RBFOX1: variants seen among roughly 807,000 people sequenced by gnomAD.
RBFOX1 encodes RNA binding fox-1 homolog 1.
Under a neutral mutation model 57.7 loss-of-function variants are expected in RBFOX1, and 8 were observed. That is an observed-to-expected ratio of 0.14 (90% confidence interval 0.08 to 0.25). The LOEUF (loss-of-function observed/expected upper bound fraction) is 0.25. RBFOX1 is among the 10% of genes least tolerant of loss of function. The pLI, the probability that RBFOX1 is intolerant of heterozygous loss-of-function variation, is 1.00. For missense variants in RBFOX1, 611 were observed against 548.5 expected (o/e 1.11, Z -1.14); for synonymous variants, 326 against 222.4 (o/e 1.47, Z -4.15).
intron 2 of RBFOX1, among the ~76,000 whole-genome samples, chr16:6,567,018 T>C (rs932037172): frequency 1.3e-5 from 2 of 152,220 alleles, no homozygotes; most frequent in Non-Finnish European, 2.9e-5. Context: ...TGAAACATTA[T>C]ATTACACAGT....
At chr16:7,536,278 C>T (rs892379123) in intron 5 of RBFOX1, among the ~76,000 whole-genome samples, 2 of 152,184 alleles carry the variant, frequency 1.3e-5, no homozygotes, top group African/African-American at 4.8e-5. Context: ...TTCAAGACTT[C>T]CTTAAAGAAG....
chr16:7,009,874 G>A (rs1356255996), intron 3 of RBFOX1, among the ~76,000 whole-genome samples: 2 of 152,122 alleles, frequency 1.3e-5, no homozygotes, highest in Non-Finnish European at 2.9e-5. Flanking sequence ...ATATTCCTGG[G>A]CTATTTTGGT....
chr16:5,463,731 T>C lies in RBFOX1; in HGVS notation c.220-3485T>C, dbSNP rs528197423. ...AGGAGAATCGCTTGAACCCAGGAGA[T>C]GGAGGTTGCAGTAAGTCAAGATTGC... On this transcript the variant is annotated intron_variant, in intron 1 of 2. Coordinates refer to the RBFOX1 transcript ENST00000585867. Among the ~76,000 whole-genome samples, 12 of 148,722 alleles carry C rather than the reference T, an allele frequency of 8.1e-5. No individual in the cohort carries two copies. In the East Asian group the frequency reaches 1.6e-3, roughly 20 times the overall value.
intron 1 of RBFOX1, among the ~76,000 whole-genome samples, chr16:5,422,685 G>A (rs912643408): frequency 1.5e-5 from 2 of 134,390 alleles, no homozygotes; most frequent in African/African-American, 5.7e-5. Flanking sequence ...GAGGGAGCAG[G>A]AAGGAGAGGG....
At chr16:7,364,754 T>C (rs2097405355) in intron 4 of RBFOX1, among the ~76,000 whole-genome samples, 1 of 152,150 alleles carries the variant, frequency 6.6e-6, no homozygotes, top group African/African-American at 2.4e-5. Flanking sequence ...TACTTGCTAG[T>C]TGTGTTCTCT....
chr16:6,313,534 G>C (rs934942619), intron 1 of RBFOX1, among the ~76,000 whole-genome samples: 1 of 152,188 alleles, frequency 6.6e-6, no homozygotes, highest in Non-Finnish European at 1.5e-5. Context: ...GGCTGTCCAA[G>C]GGTCATCAAC....
At chr16:6,991,942 G>A (rs1440807374) in intron 3 of RBFOX1, among the ~76,000 whole-genome samples, 3 of 152,178 alleles carry the variant, frequency 2.0e-5, no homozygotes, top group East Asian at 1.9e-4. Flanking sequence ...TCAATAGGGT[G>A]GTGGGGGTGT....
At chr16:5,732,306 C>T (rs1018287039) in intron 3 of RBFOX1, among the ~76,000 whole-genome samples, 1 of 152,118 alleles carries the variant, frequency 6.6e-6, no homozygotes, top group Non-Finnish European at 1.5e-5. Flanking sequence ...GACCTGGAGC[C>T]AAGAGGGAAC....
chr16:6,698,296 A>T (rs1449578854), intron 3 of RBFOX1, among the ~76,000 whole-genome samples: 1 of 152,224 alleles, frequency 6.6e-6, no homozygotes, highest in Non-Finnish European at 1.5e-5. Flanking sequence ...TTGTACATCT[A>T]AACCAGTCCA....
intron 4 of RBFOX1, among the ~76,000 whole-genome samples, chr16:7,291,401 C>G (rs2095770287): frequency 6.6e-6 from 1 of 152,008 alleles, no homozygotes; most frequent in Non-Finnish European, 1.5e-5. Context: ...AAAATCTAGG[C>G]TAAATAAAAT....
intron 3 of RBFOX1, among the ~76,000 whole-genome samples, chr16:6,676,559 C>G (rs2057725452): frequency 6.6e-6 from 1 of 151,912 alleles, no homozygotes; most frequent in African/African-American, 2.4e-5. Context: ...TTACCCCTAT[C>G]AATATGTAAG....
At chr16:6,371,768 A>G (rs2152894315) in intron 2 of RBFOX1, among the ~76,000 whole-genome samples, 1 of 152,334 alleles carries the variant, frequency 6.6e-6, no homozygotes, top group Non-Finnish European at 1.5e-5. Flanking sequence ...ATACACATGT[A>G]TATATAATTA....
chr16:6,837,079 A>G (rs931509050), intron 3 of RBFOX1, among the ~76,000 whole-genome samples: 3 of 152,224 alleles, frequency 2.0e-5, no homozygotes, highest in African/African-American at 4.8e-5. Context: ...AATGATATAT[A>G]TTGGTTAACA....
intron 2 of RBFOX1, among the ~76,000 whole-genome samples, chr16:6,630,032 G>A (rs1400265877): frequency 6.7e-6 from 1 of 148,766 alleles, no homozygotes; most frequent in Non-Finnish European, 1.5e-5. Context: ...AAACCCCTTA[G>A]TGTCATCTGC....
intron 1 of RBFOX1, among the ~76,000 whole-genome samples, chr16:5,432,559 G>GTTTTTTTTTTTTTTTTTGT (rs35344614): frequency 4.2e-5 from 4 of 94,220 alleles, no homozygotes; most frequent in Non-Finnish European, 8.2e-5. Context: ...TTGTTTGTTT[G>GTTTTTTTTTTTTTTTTTGT]TTTTTTTTTT....
At chr16:5,847,611 T>A (rs1466484058) in intron 3 of RBFOX1, among the ~76,000 whole-genome samples, 1 of 152,328 alleles carries the variant, frequency 6.6e-6, no homozygotes, top group South Asian at 2.1e-4. Flanking sequence ...ACAACGTTTA[T>A]TCCTTCATTA....
At chr16:6,985,607 C>T (rs373672579) in intron 3 of RBFOX1, among the ~76,000 whole-genome samples, 2 of 152,144 alleles carry the variant, frequency 1.3e-5, no homozygotes, top group African/African-American at 2.4e-5. Flanking sequence ...GTGGGTGGAT[C>T]ATTTGAGGTC....
chr16:6,756,486 G>C (rs1162196680), intron 3 of RBFOX1, among the ~76,000 whole-genome samples: 2 of 152,120 alleles, frequency 1.3e-5, no homozygotes, highest in Admixed American at 6.6e-5. Context: ...AGACTAAACA[G>C]CTTTGGCACA....
At chr16:5,403,628 T>C (rs1381320404) in intron 1 of RBFOX1, among the ~76,000 whole-genome samples, 1 of 152,088 alleles carries the variant, frequency 6.6e-6, no homozygotes, top group Non-Finnish European at 1.5e-5. Flanking sequence ...GTATTTTTAA[T>C]AGAGACGAGG....
Sources: allele counts gnomAD v4.1 joint callset (sites outside exome capture counted in the v4.1 genomes callset), GRCh38; gene constraint gnomAD v4.1.1; transcripts MANE v1.5; gene names NCBI Gene and HGNC (gene_info 2026-07-23, HGNC 2026-07-21).